DAZAP1: variants seen among roughly 807,000 people sequenced by gnomAD.
DAZAP1 encodes DAZ-associated protein 1.
DAZAP1 carries 6 observed loss-of-function variants against 60.1 expected under a neutral mutation model. The ratio of observed to expected loss-of-function variants is 0.10; its 90% CI spans 0.05 to 0.20. DAZAP1 has a LOEUF of 0.20. DAZAP1 is among the 10% of genes least tolerant of loss of function. The probability of loss-of-function intolerance (pLI) is 1.00; values close to 1 mark genes in which losing one functional copy is unlikely to be tolerated. For missense variants in DAZAP1, 366 were observed against 560.4 expected, an observed-to-expected ratio of 0.65 and a Z score of 3.50; for synonymous variants, 235 against 215.9, an observed-to-expected ratio of 1.09 and a Z score of -0.78.
In DAZAP1 at chr19:1,433,049, G is replaced by A. The variant is rs762690867; in HGVS notation, c.1048+359G>A. 3.8e-5 allele frequency: 9 copies of A among 238,062 alleles called. No homozygotes were observed. The highest frequency in any genetic ancestry group is 1.6e-4 in the African/African-American group (7 of 43,590). 14.7% of individuals were successfully genotyped at this position (238,062 alleles called of 1,614,324 possible). A position where few individuals can be genotyped will look rare whatever the true frequency, so the allele number is the denominator to read the frequency against. On this transcript the variant is annotated intron_variant, in intron 11 of 11. Transcript: ENST00000233078. The surrounding 1 kb of genome is among the most constrained non-coding windows in gnomAD (Gnocchi z 6.1). ...GGGTCCCGGGTGCACTGGCCCCTTG[G>A]TGGGTTCCAGTTTCTGGCGTCATCA...
intron 8 of DAZAP1, among the ~76,000 whole-genome samples, 157 bp downstream of exon 8, chr19:1,429,152 ACAGC>A (rs1349493660): frequency 6.6e-6 from 1 of 152,220 alleles, no homozygotes; most frequent in Non-Finnish European, 1.5e-5. Flanking sequence ...GTGCCGGCTG[ACAGC>A]CAGCTCCCGG....
intron 4 of DAZAP1, 56 bp from the exon 5 acceptor site, chr19:1,421,092 G>A: frequency 2.6e-6 from 4 of 1,526,560 alleles, no homozygotes; most frequent in East Asian, 2.3e-5. Flanking sequence ...TCCGCAGCTC[G>A]CGGGAGGGTT....
chr19:1,418,773 T>G lies in DAZAP1; in HGVS notation c.303+42T>G, dbSNP rs763227099. ...GGCGGCCTCCTTGTGTGTTCTCCAC[T>G]CCACGTGGAAAGGAAATGCGTGCCT... On this transcript the variant is annotated intron_variant, in intron 4 of 11. Coordinates refer to ENST00000233078, the MANE Select transcript of DAZAP1 (RefSeq NM_018959.4). This position sits in a 1 kb window ranked among gnomAD's most constrained non-coding sequence, Gnocchi z 5.7. The G allele has an allele frequency of 6.5e-7, 1 of 1,543,086 alleles. No homozygotes were observed. The highest frequency in any genetic ancestry group is 8.8e-7 in the Non-Finnish European group (1 of 1,141,986).
intron 1 of DAZAP1, among the ~76,000 whole-genome samples, chr19:1,410,362 G>T (rs1455291496): frequency 6.6e-6 from 1 of 152,182 alleles, no homozygotes; most frequent in African/African-American, 2.4e-5. Context: ...TGGTGGATGT[G>T]ATGGACAGTG....
chr19:1,407,815 G>C lies in DAZAP1; in HGVS notation c.29+13G>C. On this transcript the variant is annotated intron_variant, in intron 1 of 11. Coordinates refer to ENST00000233078, the MANE Select transcript of DAZAP1 (RefSeq NM_018959.4). ...CCGACGAGATCGGGTGAGGACGAGC[G>C]GCGCGGGCCTGCGTCTCCGCCCCGA... 2 of 1,071,888 alleles carry C rather than the reference G, an allele frequency of 1.9e-6. No homozygotes were observed. Among genetic ancestry groups the C allele is most frequent in the Non-Finnish European group, 2.3e-6 (2 of 885,642 alleles). 66.4% of individuals were successfully genotyped at this position (1,071,888 alleles called of 1,614,324 possible).
chr19:1,418,168 C>T lies in DAZAP1; in HGVS notation c.71-36C>T. On this transcript the variant is annotated intron_variant, in intron 2 of 11. Coordinates refer to ENST00000233078, the MANE Select transcript of DAZAP1 (RefSeq NM_018959.4). The surrounding 1 kb of genome is among the most constrained non-coding windows in gnomAD (Gnocchi z 5.7). Reference sequence around the variant, plus strand: ...CAGGCACGTGCCTAATGCTCTGGCCCTGTGTGTTTGTGTTTTCTTCCCGAT... The same window carrying T: ...CAGGCACGTGCCTAATGCTCTGGCCTTGTGTGTTTGTGTTTTCTTCCCGAT... The T allele has an allele frequency of 1.2e-6, 2 of 1,611,822 alleles. No homozygotes were observed. Among genetic ancestry groups the T allele is most frequent in the African/African-American group, 1.3e-5 (1 of 74,974 alleles).
rs1271360874 is a variant in DAZAP1 at position 1,407,620 on chromosome 19, GCC to G, written c.-153_-152del. On this transcript the variant is annotated 5_prime_UTR_variant, in exon 1 of 12. Coordinates refer to ENST00000233078, the MANE Select transcript of DAZAP1 (RefSeq NM_018959.4). ...CCGTTGGCGCCGAGGGGAGGAGGCA[GCC>G]GCCGCCGCCGCCGCCGCCGCCGCCG... The G allele has an allele frequency of 3.7e-6, 1 of 268,316 alleles. No individual in the cohort carries two copies. The highest frequency in any genetic ancestry group is 1.7e-4 in the African/African-American group (1 of 5,866). 16.6% of individuals were successfully genotyped at this position (268,316 alleles called of 1,614,324 possible). A position where few individuals can be genotyped will look rare whatever the true frequency, so the allele number is the denominator to read the frequency against.
Position 1,430,325 on chromosome 19 carries a change from G to C in DAZAP1, c.834G>C (p.Gln278His), listed in dbSNP as rs1455677997. ...STPPGGFPPP[Q>H]GFPQGYGAPP... ...CTCCTGGAGGCTTTCCCCCTCCCCA[G>C]GGCTTCCCTCAGGGCTACGGTGCCC... The change falls in exon 10 of 12, where the codon CAG becomes CAC. Residue 278 changes from glutamine to histidine, a missense_variant. Gln to His is a conservative substitution (Grantham distance 24). Coordinates refer to ENST00000233078, the MANE Select transcript of DAZAP1 (RefSeq NM_018959.4). 1 of 1,377,602 alleles carries C rather than the reference G, an allele frequency of 7.3e-7. No homozygotes were observed. The allele number at this position is 1,377,602 out of a possible 1,614,324, so 85.3% of individuals were successfully genotyped here.
chr19:1,434,662 G>T lies in DAZAP1; in HGVS notation c.1049-75G>T. ...CTCAAGGCAGGCTCGGCGGAGCTGT[G>T]TCCAGGTGGCCTCGCTCGACGGCAG... On this transcript the variant is annotated intron_variant, in intron 11 of 11. Transcript: ENST00000233078. The surrounding 1 kb of genome is among the most constrained non-coding windows in gnomAD (Gnocchi z 8.0). 1 of 1,537,764 alleles carries T rather than the reference G, an allele frequency of 6.5e-7. No individual in the cohort carries two copies. Among genetic ancestry groups the T allele is most frequent in the Non-Finnish European group, 8.9e-7 (1 of 1,121,954 alleles).
intron 1 of DAZAP1, among the ~76,000 whole-genome samples, chr19:1,408,542 C>T (rs943010274): frequency 3.9e-5 from 6 of 152,248 alleles, no homozygotes; most frequent in African/African-American, 1.4e-4. Flanking sequence ...ATCCCACCCC[C>T]CCAAAGTGGT....
chr19:1,407,593 G>T lies in DAZAP1; in HGVS notation c.-181G>T, dbSNP rs1384465064. The T allele has an allele frequency of 2.1e-5, 7 of 338,620 alleles. No individual in the cohort carries two copies. In the South Asian group the frequency reaches 3.2e-4, roughly 16 times the overall value. 21.0% of individuals were successfully genotyped at this position (338,620 alleles called of 1,614,324 possible). ...GCGCGGCGGCGCGGGGACGCGCGGT[G>T]ACCGTTGGCGCCGAGGGGAGGAGGC... On this transcript the variant is annotated 5_prime_UTR_variant, in exon 1 of 12. Coordinates refer to ENST00000233078, the MANE Select transcript of DAZAP1 (RefSeq NM_018959.4).
intron 1 of DAZAP1, chr19:1,417,126 T>A (rs1600202270): frequency 3.5e-6 from 1 of 284,428 alleles, no homozygotes; most frequent in East Asian, 1.3e-4. Flanking sequence ...ACATTCTTTT[T>A]CCTGATTATA....
At chr19:1,419,531 C>T (rs1361252634) in intron 4 of DAZAP1, among the ~76,000 whole-genome samples, 3 of 152,242 alleles carry the variant, frequency 2.0e-5, no homozygotes, top group African/African-American at 4.8e-5. Context: ...CGCTGGAAAG[C>T]GGCTGCAGGG....
chr19:1,419,741 A>AT (rs1379514893), intron 4 of DAZAP1, among the ~76,000 whole-genome samples: 1 of 152,066 alleles, frequency 6.6e-6, no homozygotes, highest in African/African-American at 2.4e-5. Context: ...ACAAACACTC[A>AT]TGAAACCATC....
chr19:1,422,359 A>G lies in DAZAP1; in HGVS notation c.426A>G (p.Val142=), dbSNP rs769069448. ...CCCTCTCCTTCCAGGTCACGGAGGT[A>G]GTCATGATCTATGACGCCGAGAAGC... ...YFKKFGVVTE[V]VMIYDAEKQR... The change falls in exon 6 of 12, where the codon GTA becomes GTG. Residue 142 remains valine (V), a synonymous_variant. Coordinates refer to ENST00000233078, the MANE Select transcript of DAZAP1 (RefSeq NM_018959.4). This position sits in a 1 kb window ranked among gnomAD's most constrained non-coding sequence, Gnocchi z 4.5. 4.3e-6 allele frequency: 7 copies of G among 1,614,086 alleles called. No homozygotes were observed. In the East Asian group the frequency reaches 6.7e-5, roughly 15 times the overall value.
chr19:1,413,979 C>T (rs1829627740), intron 1 of DAZAP1, among the ~76,000 whole-genome samples: 1 of 146,638 alleles, frequency 6.8e-6, no homozygotes, highest in South Asian at 2.2e-4. Flanking sequence ...CTTGCCCCAC[C>T]CCCAGTGAAC....
At position 1,433,921 on chromosome 19, in the gene DAZAP1, G is replaced by A. The variant is rs1470126748; in HGVS notation, c.1049-816G>A. On this transcript the variant is annotated intron_variant, in intron 11 of 11. Transcript: ENST00000233078. The surrounding 1 kb of genome is among the most constrained non-coding windows in gnomAD (Gnocchi z 6.1). ...GCCGTCCCGGGCGGGGGTGGACGCT[G>A]GCGGTGCCCTCTGGGAAGGGGCCCT... 6 of 1,154,290 alleles carry A rather than the reference G, an allele frequency of 5.2e-6. No individual in the cohort carries two copies. The highest frequency in any genetic ancestry group is 1.8e-5 in the Admixed American group (1 of 54,722). 71.5% of individuals were successfully genotyped at this position (1,154,290 alleles called of 1,614,324 possible).
chr19:1,421,036 G>A (rs2083139971), intron 4 of DAZAP1, 112 bp from the exon 5 acceptor site: 1 of 879,250 alleles, frequency 1.1e-6, no homozygotes, highest in African/African-American at 1.7e-5. Flanking sequence ...TTCTGCTCTG[G>A]CTTTCAGCTG....
intron 1 of DAZAP1, among the ~76,000 whole-genome samples, chr19:1,408,193 A>AGG (rs1220618715): frequency 3.4e-5 from 5 of 148,120 alleles, no homozygotes; most frequent in Non-Finnish European, 6.0e-5. Context: ...TGGGAGCCAG[A>AGG]GGGGTTCAGG....
Sources: allele counts gnomAD v4.1 joint callset (sites outside exome capture counted in the v4.1 genomes callset), GRCh38; gene constraint gnomAD v4.1.1; non-coding constraint Gnocchi (gnomAD v3.1); transcripts MANE v1.5; gene names NCBI Gene and HGNC (gene_info 2026-07-23, HGNC 2026-07-21).